The following IPO4 variants were observed in gnomAD, a reference collection of about 807,000 sequenced individuals.
IPO4 encodes the protein importin 4.
Under a neutral mutation model 133.5 loss-of-function variants are expected in IPO4, and 91 were observed. The observed-to-expected ratio is 0.68, with a 90% CI of 0.58 to 0.81. The LOEUF (loss-of-function observed/expected upper bound fraction) is 0.81, where lower values mean the gene tolerates loss of function less well. Ranked by LOEUF, IPO4 falls within the 30% of genes least tolerant of loss-of-function variation. The pLI, the probability that IPO4 is intolerant of heterozygous loss-of-function variation, is 0.00. For missense variants in IPO4, 1,279 were observed against 1,386.2 expected, an observed-to-expected ratio of 0.92 and a Z score of 1.23; for synonymous variants, 607 against 581.6, an observed-to-expected ratio of 1.04 and a Z score of -0.63.
chr14:24,186,941 C>A lies in IPO4; in HGVS notation c.693G>T (p.Leu231=), dbSNP rs1442998438. Residue 231 remains leucine (L), a synonymous_variant, in exon 8 of 30, where the codon CTG becomes CTT. Coordinates refer to ENST00000354464, the MANE Select transcript of IPO4 (RefSeq NM_024658.4). ...TGATGACCGGCACCTCTGACTCCAA[C>A]AGTTCATCCAAAGCCTCAAGGGCCT... ...ACEALEALDE[L]LESEVPVITP... 6.2e-7 allele frequency: 1 copy of A among 1,614,184 alleles called. No individual in the cohort carries two copies. The highest frequency in any genetic ancestry group is 2.2e-5 in the East Asian group (1 of 44,890).
rs372651683 is a variant in IPO4 at position 24,183,778 on chromosome 14, C to T, written c.1985+5G>A. 28 of 1,614,038 alleles carry T rather than the reference C, an allele frequency of 1.7e-5. No individual in the cohort carries two copies. Among genetic ancestry groups the T allele is most frequent in the African/African-American group, 6.7e-5 (5 of 74,908 alleles). Reference sequence around the variant, plus strand: ...ATTCCTGATCAGAAGAGCACCCCTCCGCACCCTGAGATCTCTGAGTCATCC... The same window carrying T: ...ATTCCTGATCAGAAGAGCACCCCTCTGCACCCTGAGATCTCTGAGTCATCC... On this transcript the variant is annotated splice_donor_5th_base_variant and intron_variant, in intron 19 of 29. Coordinates refer to ENST00000354464, the MANE Select transcript of IPO4 (RefSeq NM_024658.4).
rs772678362 is a variant in IPO4, at chr14:24,181,505, A to G, written c.3045+8T>C. On this transcript the variant is annotated splice_region_variant and intron_variant, in intron 28 of 29. Transcript: ENST00000354464. ...TTCCCCTCTGAGGGCTGCCAGCAGC[A>G]AGGTTACCTGGTCAGGGCTGCTCTG... The G allele has an allele frequency of 6.4e-7, 1 of 1,554,878 alleles. No homozygotes were observed. Among genetic ancestry groups the G allele is most frequent in the Non-Finnish European group, 8.7e-7 (1 of 1,148,360 alleles).
chr14:24,183,751 A>G, intron 19 of IPO4, 32 bp downstream of exon 19: 4 of 1,614,210 alleles, frequency 2.5e-6, no homozygotes. Flanking sequence ...GCCAAAGTCT[A>G]GATTCCTGAT....
chr14:24,185,664 T>C (rs2039209608), intron 12 of IPO4, 97 bp from the exon 13 acceptor site: 1 of 1,211,802 alleles, frequency 8.3e-7, no homozygotes, highest in Non-Finnish European at 1.2e-6. Context: ...AACCAAGGCT[T>C]TTCCTGTCAC....
Position 24,184,062 on chromosome 14 carries a change from G to A in IPO4, c.1805C>T (p.Ala602Val), listed in dbSNP as rs559669192. The change falls in exon 18 of 30, where the codon GCG becomes GTG. Residue 602 changes from alanine to valine, a missense_variant. Physicochemically the swap from Ala to Val is moderately conservative, Grantham distance 64. Around this residue, in one of 3 missense-constraint regions of IPO4, gnomAD observed 575 missense variants for 653.4 expected, o/e 0.88. Transcript: ENST00000354464. ...ALSGLMGEGL[A>V]PHLEQITTLM... ...CGTGGTGATCTGTTCCAAGTGGGGC[G>A]CCAGGCCCTCACCCATCAGACCCGA... is the stretch of plus-strand genomic sequence containing the variant. 1.1e-5 allele frequency: 18 copies of A among 1,612,800 alleles called. No homozygotes were observed. Among genetic ancestry groups the A allele is most frequent in the Middle Eastern group, 1.7e-4 (1 of 5,792 alleles).
intron 18 of IPO4, 47 bp from the exon 19 acceptor site, chr14:24,183,945 G>A: frequency 1.2e-6 from 2 of 1,613,654 alleles, no homozygotes; most frequent in Non-Finnish European, 8.5e-7. Flanking sequence ...GGGCCCAGGA[G>A]ATAAATCCCA....
chr14:24,182,909 G>C, intron 23 of IPO4, 67 bp from the exon 24 acceptor site: 5 of 1,613,330 alleles, frequency 3.1e-6, no homozygotes, highest in Non-Finnish European at 4.2e-6. Context: ...GTAGGGGGTG[G>C]ACTTGTAGCC....
chr14:24,185,448 G>T lies in IPO4; in HGVS notation c.1278+11C>A, dbSNP rs1282914553. 6.2e-7 allele frequency: 1 copy of T among 1,613,292 alleles called. No individual in the cohort carries two copies. The highest frequency in any genetic ancestry group is 8.5e-7 in the Non-Finnish European group (1 of 1,179,206). ...ATTCAAGTGGTGGCTCCCACATTCA[G>T]CCTGGTTCACCTGTAGGTTTTCTGA... is the stretch of plus-strand genomic sequence containing the variant. On this transcript the variant is annotated intron_variant, in intron 13 of 29. Transcript: ENST00000354464.
In IPO4 at chr14:24,186,777, C is replaced by T. The variant is rs2039229018; in HGVS notation, c.771G>A (p.Val257=). Residue 257 remains valine (V), a synonymous_variant, in exon 9 of 30, where the codon GTG becomes GTA. Transcript: ENST00000354464. ...GTATGCGTATCGCATTGCCCAGGGC[C>T]ACATTTCTAGCTACCTGTCCACAGA... ...LTFCLEVARN[V]ALGNAIRIRI... 6.2e-7 allele frequency: 1 copy of T among 1,614,080 alleles called. No individual in the cohort carries two copies. The highest frequency in any genetic ancestry group is 8.5e-7 in the Non-Finnish European group (1 of 1,179,954).
In IPO4 at chr14:24,184,752, G is replaced by T; in HGVS notation, c.1534C>A (p.Gln512Lys). The T allele has an allele frequency of 6.2e-7, 1 of 1,612,304 alleles. No homozygotes were observed. Among genetic ancestry groups the T allele is most frequent in the South Asian group, 1.1e-5 (1 of 90,862 alleles). The change falls in exon 16 of 30, where the codon CAG (glutamine) becomes AAG (lysine). Residue 512 changes from glutamine (Q) to lysine (K), a missense_variant. Physicochemically the swap from Gln to Lys is moderately conservative, Grantham distance 53. Transcript: ENST00000354464. ...SALGAIATAAQASLLPYFPAI... is the reference protein window; with the variant it reads ...SALGAIATAAKASLLPYFPAI... The stretch of plus-strand genomic sequence containing the variant: ...GGGAAGTAGGGCAGCAGCGAGGCCT[G>T]GGCAGCCGTAGCTGCAGGATGGAAG...
chr14:24,187,414 TGAG>T lies in IPO4; in HGVS notation c.571_573del (p.Leu191del). 6.2e-7 allele frequency: 1 copy of T among 1,614,008 alleles called. No individual in the cohort carries two copies. Among genetic ancestry groups the T allele is most frequent in the Non-Finnish European group, 8.5e-7 (1 of 1,179,974 alleles). ...CCACATCTCACCACATCTTCAGTGC[TGAG>T]GTAGGGAGCCATGGTGGTCAGAGTG... On this transcript the variant is annotated inframe_deletion, in exon 6 of 30. Coordinates refer to ENST00000354464, the MANE Select transcript of IPO4 (RefSeq NM_024658.4).
intron 18 of IPO4, 26 bp downstream of exon 18, chr14:24,183,972 G>GGGGGGCC: frequency 1.3e-5 from 21 of 1,573,064 alleles, no homozygotes; most frequent in African/African-American, 2.8e-5. Context: ...GGCAGGCCTG[G>GGGGGGCC]CCCAGCCCAC....
rs2039137234 is a variant in IPO4 at position 24,181,591 on chromosome 14, C to T, written c.2967G>A (p.Leu989=). 1 of 1,613,060 alleles carries T rather than the reference C, an allele frequency of 6.2e-7. No homozygotes were observed. The highest frequency in any genetic ancestry group is 1.3e-5 in the African/African-American group (1 of 74,900). The change falls in exon 28 of 30, where the codon CTG becomes CTA. Residue 989 remains leucine (L), a synonymous_variant. Coordinates refer to ENST00000354464, the MANE Select transcript of IPO4 (RefSeq NM_024658.4). ...PQVLAALLHA[L]PLKEDLEEWV... is the part of the protein sequence containing the mutation. Reference sequence around the variant, plus strand: ...ACTCCTCCAAGTCCTCCTTCAGTGGCAGGGCATGCAGTAGGGCAGCCAGCA... The same window carrying T: ...ACTCCTCCAAGTCCTCCTTCAGTGGTAGGGCATGCAGTAGGGCAGCCAGCA...
In IPO4 at chr14:24,188,300, GAA is replaced by G. The variant is rs369615379; in HGVS notation, c.236+42_236+43del. 113 of 1,613,172 alleles carry G rather than the reference GAA, an allele frequency of 7.0e-5. No individual in the cohort carries two copies. The African/African-American group carries it at 1.3e-3, about 18-fold the overall frequency. The stretch of plus-strand genomic sequence containing the variant: ...GGTGTTTGGTACCCAGCCTGCCCAA[GAA>G]AAGTCTCCGCCTGGCCCCGCCCCAC... On this transcript the variant is annotated intron_variant, in intron 3 of 29. Transcript: ENST00000354464.
At position 24,181,704 on chromosome 14, in the gene IPO4, C is replaced by T. The variant is rs138213962; in HGVS notation, c.2940+7G>A. 5.5e-4 allele frequency: 890 copies of T among 1,605,896 alleles called. 4 individuals are homozygous for T. In the African/African-American group the frequency reaches 0.011, roughly 19 times the overall value. On this transcript the variant is annotated splice_region_variant and intron_variant, in intron 27 of 29. Coordinates refer to ENST00000354464, the MANE Select transcript of IPO4 (RefSeq NM_024658.4). ...TCCAAGCCCTGCCTGATGTCTCCCT[C>T]CCTCACCTGGGGCTCTGGTTTCCTG...
At position 24,181,636 on chromosome 14, in the gene IPO4, C is replaced by G; in HGVS notation, c.2941-19G>C. On this transcript the variant is annotated intron_variant, in intron 27 of 29. Coordinates refer to ENST00000354464, the MANE Select transcript of IPO4 (RefSeq NM_024658.4). ...CCAGCACCTGGGCACACAAATGTCT[C>G]AGGCCAACCTGCCCTGCCCTCCACC... The G allele has an allele frequency of 1.2e-6, 2 of 1,614,060 alleles. No individual in the cohort carries two copies. The highest frequency in any genetic ancestry group is 1.7e-6 in the Non-Finnish European group (2 of 1,179,956).
rs748658332 is a variant in IPO4, at chr14:24,185,015, A to T, written c.1409-35T>A. The stretch of plus-strand genomic sequence containing the variant: ...AGGATGCTCCTCTACCAACCAACCC[A>T]GGTCTGCTACCTGCACGCCCACCTC... On this transcript the variant is annotated intron_variant, in intron 14 of 29. Transcript: ENST00000354464. 4.4e-6 allele frequency: 7 copies of T among 1,604,292 alleles called. No individual in the cohort carries two copies. The South Asian group carries it at 7.7e-5, about 18-fold the overall frequency.
In IPO4 at chr14:24,186,359, C is replaced by A. The variant is rs1456537163; in HGVS notation, c.933G>T (p.Glu311Asp). 1.2e-6 allele frequency: 2 copies of A among 1,613,354 alleles called. No individual in the cohort carries two copies. The highest frequency in any genetic ancestry group is 2.7e-5 in the African/African-American group (2 of 75,016). The change falls in exon 10 of 30, where the codon GAG becomes GAT. Residue 311 changes from glutamate (E) to aspartate (D), a missense_variant. Glu to Asp is a conservative substitution (Grantham distance 45, BLOSUM62 2). Coordinates refer to ENST00000354464, the MANE Select transcript of IPO4 (RefSeq NM_024658.4). ...AEPPPGQLDPEDQDSEEEELE... is the reference protein window; with the variant it reads ...AEPPPGQLDPDDQDSEEEELE... ...ACTCTTCCTCTTCTGAATCCTGGTCCTCGGGATCCAACTGGCCTGGTGGGG... is the reference window on the plus strand; with the variant it reads ...ACTCTTCCTCTTCTGAATCCTGGTCATCGGGATCCAACTGGCCTGGTGGGG...
Position 24,183,083 on chromosome 14 carries a change from G to A in IPO4, c.2314C>T (p.Leu772=). The A allele has an allele frequency of 6.2e-7, 1 of 1,613,858 alleles. No individual in the cohort carries two copies. Among genetic ancestry groups the A allele is most frequent in the East Asian group, 2.2e-5 (1 of 44,880 alleles). ...ERERQVVMAV[L]EALTGVLRSC... ...CGGAGCACCCCTGTCAGGGCCTCCA[G>A]CACGGCCATCACCACCTGGCGTTCC... Residue 772 remains leucine, a synonymous_variant, in exon 23 of 30, where the codon CTG becomes TTG. Coordinates refer to ENST00000354464, the MANE Select transcript of IPO4 (RefSeq NM_024658.4).
Sources: allele counts gnomAD v4.1 joint callset, GRCh38; gene constraint gnomAD v4.1.1; regional missense constraint gnomAD v4.1.1; transcripts MANE v1.5; gene names NCBI Gene and HGNC (gene_info 2026-07-23, HGNC 2026-07-21).